LTBP1: variants seen among roughly 807,000 people sequenced by gnomAD.
LTBP1 encodes latent transforming growth factor beta binding protein 1, also known as latent-transforming growth factor beta-binding protein 1.
A neutral mutation model predicts 207.6 loss-of-function variants in LTBP1; 129 were observed. The ratio of observed to expected loss-of-function variants is 0.62; its 90% CI spans 0.54 to 0.72. The LOEUF (loss-of-function observed/expected upper bound fraction) is 0.72, where lower values mean the gene tolerates loss of function less well. LTBP1 is among the 30% of genes least tolerant of loss of function. LTBP1 has a pLI of 0.00. For synonymous variants in LTBP1, 963 were observed against 833.7 expected (o/e 1.16, Z -2.67); for missense variants, 2,281 against 2,217.2 (o/e 1.03, Z -0.58).
At chr2:33,089,204 A>G (rs2078943086) in intron 3 of LTBP1, among the ~76,000 whole-genome samples, 2 of 151,540 alleles carry the variant, frequency 1.3e-5, no homozygotes, top group Non-Finnish European at 3.0e-5. Flanking sequence ...AGAAAAGAAA[A>G]TGTATGACAA....
chr2:33,045,380 C>G (rs2076393756), intron 3 of LTBP1, among the ~76,000 whole-genome samples: 2 of 152,138 alleles, frequency 1.3e-5, no homozygotes, highest in African/African-American at 2.4e-5. Context: ...AATCCTTTCC[C>G]CATGCTTGTT....
chr2:33,292,123 C>T (rs746018596), intron 19 of LTBP1, among the ~76,000 whole-genome samples: 4 of 152,128 alleles, frequency 2.6e-5, no homozygotes, highest in Non-Finnish European at 5.9e-5. Flanking sequence ...CTGTGACATA[C>T]GGTGGACCTA....
chr2:33,144,626 A>G (rs1172663239), intron 5 of LTBP1, among the ~76,000 whole-genome samples: 1 of 152,222 alleles, frequency 6.6e-6, no homozygotes, highest in African/African-American at 2.4e-5. Context: ...TTGGTTGTGT[A>G]ACTTACCTCT....
intron 5 of LTBP1, among the ~76,000 whole-genome samples, chr2:33,152,346 C>T (rs933588403): frequency 1.3e-5 from 2 of 152,196 alleles, no homozygotes; most frequent in African/African-American, 4.8e-5. Context: ...CAGGGAAATG[C>T]AAATCAAAAC....
intron 31 of LTBP1, among the ~76,000 whole-genome samples, chr2:33,372,981 A>T (rs1482897164): frequency 6.6e-6 from 1 of 152,236 alleles, no homozygotes; most frequent in Non-Finnish European, 1.5e-5. Flanking sequence ...AGAAAATTAT[A>T]CATATTTGAA....
intron 2 of LTBP1, 123 bp from the exon 3 acceptor site, chr2:33,020,786 T>C: frequency 1.1e-6 from 1 of 910,280 alleles, no homozygotes; most frequent in Non-Finnish European, 1.6e-6. Flanking sequence ...TTCCTCCTTA[T>C]GAGTATTTGT....
chr2:33,200,267 C>T (rs1056756873), intron 7 of LTBP1, among the ~76,000 whole-genome samples: 1 of 152,116 alleles, frequency 6.6e-6, no homozygotes, highest in African/African-American at 2.4e-5. Flanking sequence ...GGTACTGGTA[C>T]CAAAACAGAG....
rs1408680941 is a variant in LTBP1 at position 33,134,396 on chromosome 2, G to T, written c.1034-397G>T. 2.0e-6 allele frequency: 1 copy of T among 503,152 alleles called. No individual in the cohort carries two copies. Among genetic ancestry groups the T allele is most frequent in the Non-Finnish European group, 4.0e-6 (1 of 252,536 alleles). 31.2% of individuals were successfully genotyped at this position (503,152 alleles called of 1,614,324 possible). The stretch of plus-strand genomic sequence containing the variant: ...GACACAAGAGTTTATTCACCGCTAG[G>T]TGCACGGCCAACCCCTTTGCATTAC... On this transcript the variant is annotated intron_variant, in intron 4 of 33. Transcript: ENST00000404816. This position sits in a 1 kb window ranked among gnomAD's most constrained non-coding sequence, Gnocchi z 4.4.
chr2:32,965,908 CTG>C (rs1316864405), intron 2 of LTBP1, among the ~76,000 whole-genome samples: 2 of 152,140 alleles, frequency 1.3e-5, no homozygotes, highest in African/African-American at 4.8e-5. Context: ...GAAACTGAAA[CTG>C]TCTTCCACAA....
intron 9 of LTBP1, among the ~76,000 whole-genome samples, chr2:33,228,240 A>C (rs983225220): frequency 7.9e-5 from 12 of 152,214 alleles, no homozygotes; most frequent in Non-Finnish European, 1.6e-4. Context: ...GAGGGAAATA[A>C]ATAATGAATT....
At chr2:33,326,389 A>G (rs958646953) in intron 24 of LTBP1, among the ~76,000 whole-genome samples, 1 of 152,184 alleles carries the variant, frequency 6.6e-6, no homozygotes, top group Non-Finnish European at 1.5e-5. Flanking sequence ...AGCTCCCTCA[A>G]TGAGGAAAAC....
At position 33,374,304 on chromosome 2, in the gene LTBP1, C is replaced by G. The variant is rs373867445; in HGVS notation, c.4711+8801C>G. ...CAGGGATCTCTTTCTGCTTTTGGTC[C>G]TGGCTCTGTGACATTGCACTGGGCA... On this transcript the variant is annotated intron_variant, in intron 31 of 33. Coordinates refer to ENST00000404816, the MANE Select transcript of LTBP1 (RefSeq NM_206943.4). Among the ~76,000 whole-genome samples, 4 of 152,188 alleles carry G rather than the reference C, an allele frequency of 2.6e-5. No individual in the cohort carries two copies. The East Asian group carries it at 7.7e-4, about 29-fold the overall frequency.
intron 10 of LTBP1, among the ~76,000 whole-genome samples, chr2:33,247,337 A>G (rs1189673775): frequency 6.6e-6 from 1 of 152,256 alleles, no homozygotes; most frequent in African/African-American, 2.4e-5. Flanking sequence ...GGGAAACTAA[A>G]GCTAGGAAAG....
At chr2:33,390,676 G>C (rs1419489143) in intron 32 of LTBP1, among the ~76,000 whole-genome samples, 1 of 151,986 alleles carries the variant, frequency 6.6e-6, no homozygotes, top group Non-Finnish European at 1.5e-5. Context: ...TTTCCGTAGA[G>C]ATGGGGGGTT....
rs1215330562 is a variant in LTBP1 at position 33,342,895 on chromosome 2, C to T, written c.3788C>T (p.Thr1263Ile). The change falls in exon 25 of 34, where the codon ACA becomes ATA. Residue 1263 changes from threonine (T) to isoleucine (I), a missense_variant. By Grantham distance (89) the Thr-to-Ile change is moderately conservative (BLOSUM62 -1). Around this residue, in one of 3 missense-constraint regions of LTBP1, gnomAD observed 1,671 missense variants for 1,634.8 expected, o/e 1.02. Transcript: ENST00000404816. ...GACAGTCACGGGTTTTGTGACAATA[C>T]AGCTGGCTCCTTCCGCTGCCTCTGT... ...VCDSHGFCDNTAGSFRCLCYQ... is the reference protein window; with the variant it reads ...VCDSHGFCDNIAGSFRCLCYQ... 1.2e-6 allele frequency: 2 copies of T among 1,613,958 alleles called. No individual in the cohort carries two copies.
chr2:33,348,141 T>G (rs2094728685), intron 26 of LTBP1, among the ~76,000 whole-genome samples: 2 of 152,208 alleles, frequency 1.3e-5, no homozygotes, highest in African/African-American at 4.8e-5. Flanking sequence ...TATAGCTTGG[T>G]TGTATTTTAG....
In LTBP1 at chr2:33,191,044, C is replaced by T. The variant is rs562623376; in HGVS notation, c.1701+2193C>T. On this transcript the variant is annotated intron_variant, in intron 7 of 33. Transcript: ENST00000404816. ...AGTCTTGGAGAGGGAGGACAAATTT[C>T]GTGCCATTTGCATTGTTTATTCATT... 1.5e-3 allele frequency among the ~76,000 whole-genome samples: 228 copies of T among 152,258 alleles called. 1 individual carries two copies. The highest frequency in any genetic ancestry group is 6.0e-4 in the Non-Finnish European group (41 of 68,008).
chr2:33,016,480 A>G (rs1688392783), intron 2 of LTBP1, among the ~76,000 whole-genome samples: 3 of 152,072 alleles, frequency 2.0e-5, no homozygotes, highest in Admixed American at 2.0e-4. Context: ...AAAGTACTGA[A>G]GCCTGGAGCC....
intron 24 of LTBP1, among the ~76,000 whole-genome samples, chr2:33,326,714 A>G (rs1050646822): frequency 1.4e-5 from 2 of 147,856 alleles, no homozygotes; most frequent in Non-Finnish European, 3.0e-5. Context: ...GCTGGAGTGC[A>G]GTGGTGCAAT....
Sources: gnomAD v4.1 joint callset for allele counts (sites outside exome capture counted in the v4.1 genomes callset) on GRCh38, gnomAD v4.1.1 for gene constraint, gnomAD v4.1.1 regional missense constraint, Gnocchi (gnomAD v3.1) non-coding constraint, MANE v1.5 for transcripts, NCBI Gene and HGNC (gene_info 2026-07-23, HGNC 2026-07-21) for gene names.